The following USP10 variants were observed in gnomAD, a reference collection of about 807,000 sequenced individuals.
USP10 encodes ubiquitin carboxyl-terminal hydrolase 10.
Under a neutral mutation model 84.5 loss-of-function variants are expected in USP10, and 22 were observed. The ratio of observed to expected loss-of-function variants is 0.26; its 90% CI spans 0.19 to 0.37. The LOEUF is 0.37. Ranked by LOEUF, USP10 falls within the 10% of genes least tolerant of loss-of-function variation. USP10 has a pLI of 1.00. For synonymous variants in USP10, 454 were observed against 387.6 expected (o/e 1.17, Z -2.01); for missense variants, 1,019 against 998.9 (o/e 1.02, Z -0.27).
Position 84,769,883 on chromosome 16 carries a change from C to T in USP10, c.1998+1525C>T, listed in dbSNP as rs191914457. Among the ~76,000 whole-genome samples the T allele has an allele frequency of 9.2e-5, 14 of 152,208 alleles. No individual in the cohort carries two copies. The East Asian group carries it at 2.5e-3, about 27-fold the overall frequency. On this transcript the variant is annotated intron_variant, in intron 11 of 13. Coordinates refer to ENST00000219473, the MANE Select transcript of USP10 (RefSeq NM_005153.3). ...GGGTTGAGGCGCAGGTAGTTGTTAG[C>T]CTGTTGTTAGACGGTAGTGAAGAAA...
chr16:84,761,375 C>G (rs540759078), intron 8 of USP10, among the ~76,000 whole-genome samples: 3 of 152,320 alleles, frequency 2.0e-5, no homozygotes, highest in African/African-American at 7.2e-5. Context: ...CAAGACCACC[C>G]TGAGGTTGGG....
intron 11 of USP10, among the ~76,000 whole-genome samples, chr16:84,768,983 A>G (rs1306471933): frequency 6.6e-6 from 1 of 152,162 alleles, no homozygotes; most frequent in Non-Finnish European, 1.5e-5. Context: ...GTGAGAGCTT[A>G]TTAGTTCCTG....
At chr16:84,747,554 A>AT (rs71151244) in intron 4 of USP10, among the ~76,000 whole-genome samples, 40,790 of 72,972 alleles carry the variant, frequency 0.56, 15,816 homozygotes, top group Non-Finnish European at 0.65. Flanking sequence ...AAGCCAGGTG[A>AT]TTTTTTTTTT....
chr16:84,768,145 G>A (rs2641688), intron 10 of USP10, 48 bp from the exon 11 acceptor site: 493,379 of 1,520,702 alleles, frequency 0.32, 88,324 homozygotes, highest in Non-Finnish European at 0.37. Flanking sequence ...AAGGGAAAGT[G>A]GCAAGGAGTG....
intron 1 of USP10, among the ~76,000 whole-genome samples, chr16:84,702,817 A>T (rs1905058875): frequency 1.3e-5 from 2 of 151,928 alleles, no homozygotes; most frequent in Admixed American, 1.3e-4. Context: ...ATATAGTGAG[A>T]CCCTGTCTCT....
chr16:84,706,044 A>T (rs1905456912), intron 1 of USP10, among the ~76,000 whole-genome samples: 1 of 151,990 alleles, frequency 6.6e-6, no homozygotes, highest in Non-Finnish European at 1.5e-5. Context: ...CTTTGAAAAA[A>T]ACAATTTGTT....
At chr16:84,737,057 G>C (rs1055538016) in intron 2 of USP10, among the ~76,000 whole-genome samples, 1 of 152,216 alleles carries the variant, frequency 6.6e-6, no homozygotes, top group East Asian at 1.9e-4. Context: ...CAAAGTGCTG[G>C]GATTACAGGC....
intron 1 of USP10, among the ~76,000 whole-genome samples, chr16:84,701,705 T>C (rs1904879332): frequency 6.6e-6 from 1 of 152,236 alleles, no homozygotes; most frequent in Admixed American, 6.5e-5. Flanking sequence ...ATGGATAATA[T>C]GTAAACTTAA....
At chr16:84,704,967 T>G in intron 1 of USP10, 2 of 1,480,544 alleles carry the variant, frequency 1.4e-6, no homozygotes, top group Non-Finnish European at 1.8e-6. Flanking sequence ...GCATGTGGAG[T>G]GCGGGCCCAG....
At chr16:84,718,825 C>G (rs1907401519) in intron 1 of USP10, among the ~76,000 whole-genome samples, 1 of 151,776 alleles carries the variant, frequency 6.6e-6, no homozygotes, top group Admixed American at 6.6e-5. Context: ...AGGAGTCTTT[C>G]TCTGTCACCC....
chr16:84,717,143 G>C (rs539295739), intron 1 of USP10, among the ~76,000 whole-genome samples: 14 of 152,276 alleles, frequency 9.2e-5, no homozygotes, highest in African/African-American at 3.4e-4. Context: ...CTAGGCTGCT[G>C]GCCTGGTGAC....
intron 13 of USP10, among the ~76,000 whole-genome samples, chr16:84,778,118 T>TGTGTGTGTG (rs1491384504): frequency 2.0e-5 from 3 of 151,674 alleles, no homozygotes; most frequent in Admixed American, 6.6e-5. Context: ...TGTGTGTGTG[T>TGTGTGTGTG]TTTGTTCTGT....
intron 1 of USP10, among the ~76,000 whole-genome samples, chr16:84,708,166 C>G (rs970282062): frequency 6.6e-6 from 1 of 151,838 alleles, no homozygotes; most frequent in Non-Finnish European, 1.5e-5. Context: ...AAAAAGAGGT[C>G]TGGCTGGGCG....
intron 8 of USP10, among the ~76,000 whole-genome samples, chr16:84,762,605 C>T (rs1251548489): frequency 6.6e-6 from 1 of 151,716 alleles, no homozygotes; most frequent in Admixed American, 6.6e-5. Context: ...GCAGGAGAAT[C>T]GCTTGAACCC....
intron 2 of USP10, among the ~76,000 whole-genome samples, chr16:84,736,746 G>A (rs1310679097): frequency 6.6e-6 from 1 of 152,180 alleles, no homozygotes; most frequent in Non-Finnish European, 1.5e-5. Flanking sequence ...GTGGGTGTGT[G>A]TGGGTACTCA....
In USP10 at chr16:84,774,705, C is replaced by T. The variant is rs933145045; in HGVS notation, c.2144-455C>T. 8.5e-5 allele frequency among the ~76,000 whole-genome samples: 13 copies of T among 152,246 alleles called. No individual in the cohort carries two copies. In the East Asian group the frequency reaches 9.7e-4, roughly 11 times the overall value. The stretch of plus-strand genomic sequence containing the variant: ...CAGGATGGTCTCGATCTCCTGACCT[C>T]GTGATCGCCCGTCTCAGCCTCCCAA... On this transcript the variant is annotated intron_variant, in intron 12 of 13. Coordinates refer to ENST00000219473, the MANE Select transcript of USP10 (RefSeq NM_005153.3).
intron 1 of USP10, among the ~76,000 whole-genome samples, chr16:84,727,178 G>T (rs1908606039): frequency 6.6e-6 from 1 of 152,192 alleles, no homozygotes; most frequent in Admixed American, 6.5e-5. Context: ...AGTCTCCCGT[G>T]TGAACTGAAT....
chr16:84,733,368 G>C, intron 1 of USP10, 67 bp from the exon 2 acceptor site: 2 of 1,255,964 alleles, frequency 1.6e-6, no homozygotes, highest in Non-Finnish European at 2.3e-6. Flanking sequence ...AAAATATGTA[G>C]CATTTTTTCT....
intron 1 of USP10, among the ~76,000 whole-genome samples, chr16:84,710,139 G>T (rs371920485): frequency 6.6e-6 from 1 of 152,012 alleles, no homozygotes; most frequent in African/African-American, 2.4e-5. Flanking sequence ...GCGTGGTGGC[G>T]CATGTCTGTA....
Sources: allele counts gnomAD v4.1 joint callset (sites outside exome capture counted in the v4.1 genomes callset), GRCh38; gene constraint gnomAD v4.1.1; transcripts MANE v1.5; gene names NCBI Gene and HGNC (gene_info 2026-07-23, HGNC 2026-07-21).